The following CALD1 variants were observed in gnomAD, a reference collection of about 807,000 sequenced individuals.
The protein encoded by CALD1 is caldesmon 1.
Under a neutral mutation model 99.9 loss-of-function variants are expected in CALD1, and 33 were observed. That is an observed-to-expected ratio of 0.33 (90% CI 0.25 to 0.44). The LOEUF (loss-of-function observed/expected upper bound fraction) is 0.44, where lower values mean the gene tolerates loss of function less well. CALD1 is among the 20% of genes least tolerant of loss of function. The pLI is 1.00. For synonymous variants in CALD1, 310 were observed against 325.0 expected, an observed-to-expected ratio of 0.95 and a Z score of 0.50; for missense variants, 861 against 962.1, an observed-to-expected ratio of 0.89 and a Z score of 1.39.
chr7:134,906,139 A>G (rs1297963155), intron 3 of CALD1, among the ~76,000 whole-genome samples: 4 of 151,926 alleles, frequency 2.6e-5, no homozygotes, highest in African/African-American at 9.7e-5. Context: ...AATGTTGGCC[A>G]GGCTGGTCTC....
At chr7:134,874,959 C>T in intron 3 of CALD1, among the ~76,000 whole-genome samples, 1 of 152,200 alleles carries the variant, frequency 6.6e-6, no homozygotes, top group Non-Finnish European at 1.5e-5. Context: ...AAACCCAACA[C>T]TTATTCAAAA....
chr7:134,831,665 C>T (rs1282614030), intron 1 of CALD1, among the ~76,000 whole-genome samples: 2 of 152,122 alleles, frequency 1.3e-5, no homozygotes, highest in Non-Finnish European at 2.9e-5. Flanking sequence ...TATTTGTATA[C>T]TTTCTATAAT....
rs149928886 is a variant in CALD1, at chr7:134,898,775, G to A, written c.72-29979G>A. Among the ~76,000 whole-genome samples, 1,140 of 152,128 alleles carry A rather than the reference G, an allele frequency of 7.5e-3. 12 individuals are homozygous for A. The highest frequency in any genetic ancestry group is 0.026 in the African/African-American group (1,073 of 41,490). ...TTGCCATGTTGGCCAGGCTGGTCTC[G>A]AACTCCTGAACTCAGGTGATCCGCC... is the stretch of plus-strand genomic sequence containing the variant. On this transcript the variant is annotated intron_variant, in intron 3 of 14. Coordinates refer to ENST00000361675, the MANE Select transcript of CALD1 (RefSeq NM_033138.4).
At chr7:134,823,241 C>A (rs1022474335) in intron 1 of CALD1, among the ~76,000 whole-genome samples, 1 of 152,072 alleles carries the variant, frequency 6.6e-6, no homozygotes, top group Non-Finnish European at 1.5e-5. Context: ...TAAAATATCT[C>A]GATATTTACA....
At chr7:134,762,625 G>T (rs77410223) in intron 1 of CALD1, among the ~76,000 whole-genome samples, 2,682 of 152,280 alleles carry the variant, frequency 0.018, 79 homozygotes, top group African/African-American at 0.058. Flanking sequence ...CTGGTGGAAG[G>T]CAAAGGGGAA....
At chr7:134,757,106 CT>C (rs34569036) in intron 1 of CALD1, among the ~76,000 whole-genome samples, 16 of 150,590 alleles carry the variant, frequency 1.1e-4, no homozygotes, top group Admixed American at 9.9e-4. Flanking sequence ...TTTTCTTGGG[CT>C]TTTTTTTTAA....
intron 3 of CALD1, among the ~76,000 whole-genome samples, chr7:134,920,166 T>C (rs984778370): frequency 1.3e-5 from 2 of 152,260 alleles, no homozygotes; most frequent in Non-Finnish European, 2.9e-5. Context: ...TTTTCCCTCC[T>C]GATCACAGTA....
At chr7:134,802,190 G>A (rs928341256) in intron 1 of CALD1, among the ~76,000 whole-genome samples, 1 of 151,392 alleles carries the variant, frequency 6.6e-6, no homozygotes, top group African/African-American at 2.4e-5. Flanking sequence ...GTGTGTGTAT[G>A]TCATATATAT....
intron 5 of CALD1, 73 bp from the exon 6 acceptor site, chr7:134,935,615 C>T (rs1311851201): frequency 6.5e-7 from 1 of 1,530,706 alleles, no homozygotes; most frequent in African/African-American, 1.4e-5. Flanking sequence ...GCGATCCGAG[C>T]ACCCTGTCAC....
the CALD1 span, among the ~76,000 whole-genome samples, chr7:134,731,366 T>C: frequency 6.6e-6 from 1 of 152,256 alleles, no homozygotes; most frequent in African/African-American, 2.4e-5. Context: ...AACTTTTCTT[T>C]GAAAAGTCAA....
At chr7:134,723,867 G>A in the CALD1 span, among the ~76,000 whole-genome samples, 1 of 152,104 alleles carries the variant, frequency 6.6e-6, no homozygotes, top group Non-Finnish European at 1.5e-5. Flanking sequence ...GGAAGTAGGG[G>A]GATTCTCTTG....
chr7:134,776,355 A>G (rs1796918790), upstream of CALD1, among the ~76,000 whole-genome samples: 2 of 152,166 alleles, frequency 1.3e-5, no homozygotes, highest in African/African-American at 4.8e-5. Context: ...TTTACCAAGT[A>G]TCATTCACCT....
At chr7:134,720,984 CT>C in the CALD1 span, among the ~76,000 whole-genome samples, 5 of 152,154 alleles carry the variant, frequency 3.3e-5, no homozygotes, top group Non-Finnish European at 7.3e-5. Context: ...GAGTTGAGAA[CT>C]GGTGATTTGG....
chr7:134,834,351 G>A (rs1015030610), intron 1 of CALD1, among the ~76,000 whole-genome samples: 1 of 152,186 alleles, frequency 6.6e-6, no homozygotes, highest in East Asian at 1.9e-4. Flanking sequence ...GTTAGAAATC[G>A]AGCAGTGGAT....
intron 1 of CALD1, among the ~76,000 whole-genome samples, chr7:134,751,605 T>C (rs187167871): frequency 4.6e-5 from 7 of 152,296 alleles, no homozygotes; most frequent in Admixed American, 4.6e-4. Context: ...TTATCATCTT[T>C]GTAATTGTAC....
chr7:134,830,951 C>T (rs1225274575), intron 1 of CALD1, among the ~76,000 whole-genome samples: 1 of 152,112 alleles, frequency 6.6e-6, no homozygotes, highest in African/African-American at 2.4e-5. Context: ...CTGAGAGCCG[C>T]TGATAGAGTA....
At chr7:134,963,521 A>G (rs144896079) in intron 13 of CALD1, among the ~76,000 whole-genome samples, 1 of 152,228 alleles carries the variant, frequency 6.6e-6, no homozygotes. Flanking sequence ...TCCTCCTGAG[A>G]AAAGGGTTTG....
chr7:134,955,285 C>T (rs6954250), intron 9 of CALD1, among the ~76,000 whole-genome samples: 23 of 152,028 alleles, frequency 1.5e-4, no homozygotes, highest in African/African-American at 5.1e-4. Context: ...AGCTACTCGA[C>T]GCTGAGGCAG....
intron 3 of CALD1, among the ~76,000 whole-genome samples, chr7:134,908,093 T>C (rs1281954615): frequency 6.6e-6 from 1 of 152,140 alleles, no homozygotes; most frequent in Non-Finnish European, 1.5e-5. Flanking sequence ...TTATCTATGT[T>C]GAAAAAAGAT....
Sources: allele counts gnomAD v4.1 joint callset (sites outside exome capture counted in the v4.1 genomes callset), GRCh38; gene constraint gnomAD v4.1.1; transcripts MANE v1.5; gene names NCBI Gene and HGNC (gene_info 2026-07-23, HGNC 2026-07-21).